Variants in ATP10B observed in about 807,000 individuals in gnomAD.
The protein encoded by ATP10B is ATPase phospholipid transporting 10B (putative), also known as phospholipid-transporting ATPase VB.
ATP10B carries 122 observed loss-of-function variants against 141.2 expected under a neutral mutation model. The observed-to-expected ratio is 0.86, with a 90% CI of 0.75 to 1.00. The LOEUF is 1.00. Ranked by LOEUF, ATP10B falls within the 50% of genes least tolerant of loss-of-function variation. The pLI is 0.00. For synonymous variants in ATP10B, 685 were observed against 692.0 expected (o/e 0.99, Z 0.16); for missense variants, 1,876 against 1,825.3 (o/e 1.03, Z -0.51).
intron 7 of ATP10B, among the ~76,000 whole-genome samples, chr5:160,667,192 T>C (rs541164622): frequency 1.3e-5 from 2 of 152,150 alleles, no homozygotes; most frequent in East Asian, 3.9e-4. Flanking sequence ...CACTCCAGCT[T>C]GGGCGACAGA....
chr5:160,662,674 A>T (rs927585619), intron 7 of ATP10B, among the ~76,000 whole-genome samples: 1 of 152,230 alleles, frequency 6.6e-6, no homozygotes, highest in Non-Finnish European at 1.5e-5. Context: ...TAAATGTTAG[A>T]TCTAAAACCA....
rs1757967623 is a variant in ATP10B at position 160,615,878 on chromosome 5, C to T, written c.2613G>A (p.Met871Ile). 3 of 1,613,842 alleles carry T rather than the reference C, an allele frequency of 1.9e-6. No individual in the cohort carries two copies. Among genetic ancestry groups the T allele is most frequent in the Non-Finnish European group, 2.5e-6 (3 of 1,179,804 alleles). ...GATTCTCCAGATGCTGTGCAGTTTC[C>T]ATGAGAAGCTCATCTCGGTTGTCGA... ...ASLDNRDELL[M>I]ETAQHLENQL... Residue 871 changes from methionine to isoleucine, a missense_variant, in exon 17 of 26, where the codon ATG becomes ATA. By Grantham distance (10) the Met-to-Ile change is conservative (BLOSUM62 1). Coordinates refer to ENST00000327245, the MANE Select transcript of ATP10B (RefSeq NM_025153.3).
chr5:160,708,775 A>G (rs1765172113), intron 3 of ATP10B, among the ~76,000 whole-genome samples: 2 of 152,208 alleles, frequency 1.3e-5, no homozygotes, highest in African/African-American at 4.8e-5. Flanking sequence ...GTTCTACGTC[A>G]TGATGGAAGA....
chr5:160,663,695 C>T (rs1321005729), intron 7 of ATP10B, among the ~76,000 whole-genome samples: 12 of 151,682 alleles, frequency 7.9e-5, no homozygotes, highest in South Asian at 2.1e-4. Context: ...TGCTAAATGA[C>T]GAGTTAATGG....
intron 3 of ATP10B, among the ~76,000 whole-genome samples, chr5:160,695,755 T>G (rs1159163996): frequency 6.6e-6 from 1 of 152,206 alleles, no homozygotes; most frequent in Non-Finnish European, 1.5e-5. Context: ...GTTTAATCTA[T>G]ACTTAGATTA....
rs554226196 is a variant in ATP10B at position 160,820,954 on chromosome 5, T to C, written c.-576+30987A>G. 2.6e-5 allele frequency among the ~76,000 whole-genome samples: 4 copies of C among 152,218 alleles called. No individual in the cohort carries two copies. In the South Asian group the frequency reaches 8.3e-4, roughly 32 times the overall value. On this transcript the variant is annotated intron_variant, in intron 1 of 25. Transcript: ENST00000327245. The stretch of plus-strand genomic sequence containing the variant: ...GGCATCATATTGAATTGAGAGAAAC[T>C]GAAAGTCTTCACTCTAAGATCTGTA...
chr5:160,873,620 T>TA, the ATP10B span, among the ~76,000 whole-genome samples: 247 of 152,254 alleles, frequency 1.6e-3, 6 homozygotes, highest in East Asian at 0.015. Context: ...CCATCTGAGG[T>TA]ACCGGGTTCA....
At position 160,793,995 on chromosome 5, in the gene ATP10B, C is replaced by T. The variant is rs893563393; in HGVS notation, c.-575-8192G>A. ...TATACCATCTAGGTTTGTGTAAGTA[C>T]ACTCTGTGATGTTAGTACAGGATAA... On this transcript the variant is annotated intron_variant, in intron 1 of 25. Transcript: ENST00000327245. 2.6e-5 allele frequency among the ~76,000 whole-genome samples: 4 copies of T among 152,304 alleles called. No homozygotes were observed. The South Asian group carries it at 6.2e-4, about 24-fold the overall frequency.
At chr5:160,605,748 C>G (rs1251549654) in intron 19 of ATP10B, among the ~76,000 whole-genome samples, 6 of 152,048 alleles carry the variant, frequency 3.9e-5, no homozygotes, top group African/African-American at 1.5e-4. Context: ...GAGGCTGGCA[C>G]CATCTGTAAG....
chr5:160,692,894 G>C (rs1452082432), intron 3 of ATP10B: 4 of 152,160 alleles, frequency 2.6e-5, no homozygotes, highest in African/African-American at 9.7e-5. Flanking sequence ...CCTGCAACTT[G>C]ACATCTTGGC....
chr5:160,877,649 C>T, the ATP10B span, among the ~76,000 whole-genome samples: 1 of 149,330 alleles, frequency 6.7e-6, no homozygotes, highest in African/African-American at 2.4e-5. Flanking sequence ...TTGTCTCAGC[C>T]CAAAATCTCC....
rs775525768 is a variant in ATP10B, at chr5:160,686,086, A to G, written c.463T>C (p.Tyr155His). 104 of 1,561,550 alleles carry G rather than the reference A, an allele frequency of 6.7e-5. No individual in the cohort carries two copies. The highest frequency in any genetic ancestry group is 2.0e-4 in the Admixed American group (11 of 55,318). ...KAINCSNIRIYERKEQTYVQK... is the reference protein window; with the variant it reads ...KAINCSNIRIHERKEQTYVQK... ...AGGGATGGTTTTTCTTACCTTTCATAAATTCGAATGTTGGAGCAGTTTATT... is the reference window on the plus strand; with the variant it reads ...AGGGATGGTTTTTCTTACCTTTCATGAATTCGAATGTTGGAGCAGTTTATT... The change falls in exon 6 of 26, where the codon TAT (tyrosine) becomes CAT (histidine). Residue 155 changes from tyrosine to histidine, a missense_variant. Physicochemically the swap from Tyr to His is moderately conservative, Grantham distance 83 (BLOSUM62 2). Transcript: ENST00000327245.
rs754907161 is a variant in ATP10B, at chr5:160,565,630, A to C, written c.4209T>G (p.Cys1403Trp). 2.6e-5 allele frequency: 42 copies of C among 1,614,002 alleles called. No individual in the cohort carries two copies. Among genetic ancestry groups the C allele is most frequent in the Non-Finnish European group, 3.5e-5 (41 of 1,179,986 alleles). The change falls in exon 26 of 26, where the codon TGT becomes TGG. Residue 1403 changes from cysteine to tryptophan, a missense_variant. Cys to Trp is a radical substitution (Grantham distance 215, BLOSUM62 -2). Coordinates refer to ENST00000327245, the MANE Select transcript of ATP10B (RefSeq NM_025153.3). Reference protein sequence around the residue: ...VEESVLHEQRCGTECMRDDSC... With the variant: ...VEESVLHEQRWGTECMRDDSC... Reference sequence around the variant, plus strand: ...AGTCATCCCTCATGCACTCCGTGCCACATCTCTGTTCGTGGAGTACTGACT... The same window carrying C: ...AGTCATCCCTCATGCACTCCGTGCCCCATCTCTGTTCGTGGAGTACTGACT...
chr5:160,597,530 C>T (rs529473939), intron 22 of ATP10B, among the ~76,000 whole-genome samples: 1 of 151,994 alleles, frequency 6.6e-6, no homozygotes, highest in Non-Finnish European at 1.5e-5. Flanking sequence ...GCAACAAAAG[C>T]CAAAATTGAC....
rs75291918 is a variant in ATP10B at position 160,844,870 on chromosome 5, G to A, written c.-576+7071C>T. ...AATACTTATGTTATAATAACTTAGC[G>A]GTCATGTTAAAAATACACATAAATT... On this transcript the variant is annotated intron_variant, in intron 1 of 25. Transcript: ENST00000327245. Among the ~76,000 whole-genome samples the A allele has an allele frequency of 6.4e-3, 966 of 152,028 alleles. 13 individuals are homozygous for A. Among genetic ancestry groups the A allele is most frequent in the Middle Eastern group, 0.02 (6 of 294 alleles).
At chr5:160,888,053 A>G in the ATP10B span, among the ~76,000 whole-genome samples, 1 of 152,228 alleles carries the variant, frequency 6.6e-6, no homozygotes, top group Admixed American at 6.5e-5. Flanking sequence ...TAAAAGGCAT[A>G]TGGACAAAGG....
intron 1 of ATP10B, among the ~76,000 whole-genome samples, chr5:160,821,588 A>C (rs1207299235): frequency 6.6e-6 from 1 of 152,062 alleles, no homozygotes; most frequent in East Asian, 1.9e-4. Context: ...GAATTAGAAG[A>C]ATCACATTAC....
chr5:160,612,992 G>A (rs1411848229), intron 17 of ATP10B, 67 bp from the exon 18 acceptor site: 3 of 1,449,910 alleles, frequency 2.1e-6, no homozygotes, highest in Non-Finnish European at 2.8e-6. Context: ...TTCCCCCAAA[G>A]CCATGTGAAG....
At position 160,838,126 on chromosome 5, in the gene ATP10B, G is replaced by A. The variant is rs114565604; in HGVS notation, c.-576+13815C>T. Among the ~76,000 whole-genome samples, 310 of 152,194 alleles carry A rather than the reference G, an allele frequency of 2.0e-3. 1 individual carries two copies. Among genetic ancestry groups the A allele is most frequent in the African/African-American group, 6.7e-3 (278 of 41,532 alleles). On this transcript the variant is annotated intron_variant, in intron 1 of 25. Transcript: ENST00000327245. ...GAACTATACTTCATCAATTCATGAC[G>A]CCTCTCTTCTCTGCTTTATGTAGCA... is the stretch of plus-strand genomic sequence containing the variant.
Sources: gnomAD v4.1 joint callset for allele counts (sites outside exome capture counted in the v4.1 genomes callset) on GRCh38, gnomAD v4.1.1 for gene constraint, MANE v1.5 for transcripts, NCBI Gene and HGNC (gene_info 2026-07-23, HGNC 2026-07-21) for gene names.